The following NRXN3 variants were observed in gnomAD, a reference collection of about 807,000 sequenced individuals.
NRXN3 encodes neurexin III.
A neutral mutation model predicts 137.6 loss-of-function variants in NRXN3; 32 were observed. That is an observed-to-expected ratio of 0.23 (90% CI 0.18 to 0.31). NRXN3 has a LOEUF of 0.31. Ranked by LOEUF, NRXN3 falls within the 10% of genes least tolerant of loss-of-function variation. The pLI is 1.00. For synonymous variants in NRXN3, 798 were observed against 784.5 expected (o/e 1.02, Z -0.29); for missense variants, 1,574 against 2,062.5 (o/e 0.76, Z 4.59).
At chr14:78,462,077 G>A (rs1001731951) in intron 4 of NRXN3, among the ~76,000 whole-genome samples, 1 of 152,116 alleles carries the variant, frequency 6.6e-6, no homozygotes, top group African/African-American at 2.4e-5. Context: ...GATAAATGAG[G>A]TGAAGCCCCA....
At chr14:78,708,305 A>G (rs925879812) in intron 6 of NRXN3, among the ~76,000 whole-genome samples, 8 of 152,220 alleles carry the variant, frequency 5.3e-5, no homozygotes, top group East Asian at 1.9e-4. Flanking sequence ...AAGGTGAATT[A>G]GTATCTGGTT....
At chr14:78,474,503 A>G (rs914832029) in intron 4 of NRXN3, among the ~76,000 whole-genome samples, 16 of 15,448 alleles carry the variant, frequency 1.0e-3, no homozygotes, top group African/African-American at 3.3e-3. Flanking sequence ...TGCTGGCTCA[A>G]CTTATCAAGT....
chr14:78,621,307 T>G (rs1021919057), intron 4 of NRXN3, among the ~76,000 whole-genome samples: 17 of 152,222 alleles, frequency 1.1e-4, no homozygotes, highest in African/African-American at 3.9e-4. Context: ...TTCTGTATTT[T>G]CCTAATTTAG....
intron 1 of NRXN3, among the ~76,000 whole-genome samples, chr14:78,234,991 CTT>C (rs1305798988): frequency 1.1e-4 from 3 of 26,416 alleles, no homozygotes; most frequent in Non-Finnish European, 1.5e-4. Flanking sequence ...GCCACAAATG[CTT>C]TTATATATAT....
chr14:78,926,836 TA>T (rs1273109045), intron 10 of NRXN3, among the ~76,000 whole-genome samples: 1 of 24,658 alleles, frequency 4.1e-5, no homozygotes, highest in Non-Finnish European at 5.8e-5. Flanking sequence ...ATAATTTATA[TA>T]AATATATAAT....
At chr14:79,734,500 G>A (rs1313118703) in intron 19 of NRXN3, among the ~76,000 whole-genome samples, 1 of 152,224 alleles carries the variant, frequency 6.6e-6, no homozygotes, top group East Asian at 1.9e-4. Context: ...TGAAAGATAG[G>A]TGATACATCA....
At chr14:78,443,742 T>TA (rs777428908) in intron 4 of NRXN3, among the ~76,000 whole-genome samples, 1 of 152,184 alleles carries the variant, frequency 6.6e-6, no homozygotes, top group Non-Finnish European at 1.5e-5. Context: ...CTCTCAGAAG[T>TA]GTTACAAAGT....
At chr14:78,749,011 T>C (rs1402558862) in intron 8 of NRXN3, among the ~76,000 whole-genome samples, 1 of 152,122 alleles carries the variant, frequency 6.6e-6, no homozygotes, top group African/African-American at 2.4e-5. Context: ...AACTCAGAAA[T>C]GCCTTTTTTT....
chr14:78,295,551 A>G (rs1162795917), intron 3 of NRXN3, among the ~76,000 whole-genome samples: 2 of 152,180 alleles, frequency 1.3e-5, no homozygotes, highest in East Asian at 1.9e-4. Context: ...CATTTATTAT[A>G]TGATTTAATT....
chr14:78,450,863 C>G (rs376580844), intron 4 of NRXN3, among the ~76,000 whole-genome samples: 7 of 152,250 alleles, frequency 4.6e-5, no homozygotes, highest in African/African-American at 1.7e-4. Context: ...CTCAGCCACA[C>G]AGGGGCTCAG....
chr14:78,673,047 C>T (rs966180468), intron 6 of NRXN3, among the ~76,000 whole-genome samples: 3 of 152,178 alleles, frequency 2.0e-5, no homozygotes, highest in Non-Finnish European at 4.4e-5. Context: ...TAAATGTGCT[C>T]AGTGGTTAAT....
At chr14:78,356,969 A>G (rs1157631678) in intron 4 of NRXN3, among the ~76,000 whole-genome samples, 2 of 152,114 alleles carry the variant, frequency 1.3e-5, no homozygotes, top group Non-Finnish European at 2.9e-5. Context: ...CAACCCTGAC[A>G]TGGGTGCCTC....
At chr14:78,778,750 CCTTCTT>C (rs2098755367) in intron 8 of NRXN3, among the ~76,000 whole-genome samples, 2 of 109,292 alleles carry the variant, frequency 1.8e-5, no homozygotes, top group Non-Finnish European at 3.7e-5. Flanking sequence ...TTCTTTCTTT[CCTTCTT>C]TCTCTTTCTT....
chr14:79,345,008 A>C (rs1193937740), intron 15 of NRXN3, among the ~76,000 whole-genome samples: 1 of 152,228 alleles, frequency 6.6e-6, no homozygotes, highest in African/African-American at 2.4e-5. Context: ...CACGGGCTTC[A>C]TCCAATATGC....
chr14:79,499,838 A>G (rs2096802093), intron 16 of NRXN3, among the ~76,000 whole-genome samples: 1 of 152,048 alleles, frequency 6.6e-6, no homozygotes, highest in African/African-American at 2.4e-5. Flanking sequence ...GGACTGACTC[A>G]TTTATTTGTT....
At chr14:78,467,333 G>T (rs2095137665) in intron 4 of NRXN3, among the ~76,000 whole-genome samples, 1 of 152,266 alleles carries the variant, frequency 6.6e-6, no homozygotes, top group Admixed American at 6.5e-5. Context: ...AATTTCTCAA[G>T]TTTCGTGCTC....
chr14:79,679,072 A>G (rs2098655766), intron 17 of NRXN3, among the ~76,000 whole-genome samples: 1 of 149,738 alleles, frequency 6.7e-6, no homozygotes, highest in Non-Finnish European at 1.5e-5. Context: ...TTTCATTCAC[A>G]TCTTTTATTA....
intron 15 of NRXN3, among the ~76,000 whole-genome samples, chr14:79,365,999 T>C (rs949735732): frequency 6.6e-6 from 1 of 152,030 alleles, no homozygotes; most frequent in African/African-American, 2.4e-5. Flanking sequence ...TAGGGCATGA[T>C]GAAAATGATT....
rs537163418 is a variant in NRXN3 at position 79,207,026 on chromosome 14, C to T, written c.3262+218885C>T. Among the ~76,000 whole-genome samples the T allele has an allele frequency of 5.3e-5, 8 of 152,276 alleles. No homozygotes were observed. The East Asian group carries it at 1.5e-3, about 29-fold the overall frequency. ...ACTTTCCCACATCCAGGGGCGATGT[C>T]CCCCAGCACACCATCCCTCCCCAGC... On this transcript the variant is annotated intron_variant, in intron 15 of 20. Transcript: ENST00000335750.
Sources: gnomAD v4.1 joint callset for allele counts (sites outside exome capture counted in the v4.1 genomes callset) on GRCh38, gnomAD v4.1.1 for gene constraint, MANE v1.5 for transcripts, NCBI Gene and HGNC (gene_info 2026-07-23, HGNC 2026-07-21) for gene names.